SMC1B: variants seen among roughly 807,000 people sequenced by gnomAD.
SMC1B encodes the protein structural maintenance of chromosomes protein 1B.
A neutral mutation model predicts 157.9 loss-of-function variants in SMC1B; 60 were observed. The ratio of observed to expected loss-of-function variants is 0.38; its 90% CI spans 0.31 to 0.47. SMC1B has a LOEUF of 0.47. SMC1B is among the 20% of genes least tolerant of loss of function. The probability of loss-of-function intolerance (pLI) is 0.99; values close to 1 mark genes in which losing one functional copy is unlikely to be tolerated. For missense variants in SMC1B, 1,165 were observed against 1,426.2 expected (o/e 0.82, Z 2.95); for synonymous variants, 445 against 483.0 (o/e 0.92, Z 1.03).
chr22:45,348,351 A>G (rs1331761804), intron 23 of SMC1B, among the ~76,000 whole-genome samples: 1 of 151,394 alleles, frequency 6.6e-6, no homozygotes, highest in Non-Finnish European at 1.5e-5. Context: ...CAAGAGTTTG[A>G]GACCAGCCTT....
rs1012493 is a variant in SMC1B, at chr22:45,359,786, C to T, written c.2862+19G>A. 0.48 allele frequency: 772,767 copies of T among 1,604,034 alleles called. 194,736 individuals carry two copies. Among genetic ancestry groups the T allele is most frequent in the Non-Finnish European group, 0.52 (614,546 of 1,172,820 alleles). Reference sequence around the variant, plus strand: ...GTTCCACACAACGGCACATATTTTACAGTCATTTGCTAGAATACCTCCACT... The same window carrying T: ...GTTCCACACAACGGCACATATTTTATAGTCATTTGCTAGAATACCTCCACT... On this transcript the variant is annotated intron_variant, in intron 18 of 24. Coordinates refer to ENST00000357450, the MANE Select transcript of SMC1B (RefSeq NM_148674.5).
intron 10 of SMC1B, among the ~76,000 whole-genome samples, chr22:45,389,017 A>AG: frequency 6.6e-6 from 1 of 150,532 alleles, no homozygotes; most frequent in Non-Finnish European, 1.5e-5. Flanking sequence ...AAAAGAAAAA[A>AG]GAAAAAAAAA....
chr22:45,386,471 C>A (rs1362858622), intron 11 of SMC1B, among the ~76,000 whole-genome samples: 1 of 152,014 alleles, frequency 6.6e-6, no homozygotes, highest in Non-Finnish European at 1.5e-5. Flanking sequence ...AGTATCTCCA[C>A]TAAAGTATGG....
At position 45,406,803 on chromosome 22, in the gene SMC1B, A is replaced by G; in HGVS notation, c.361T>C (p.Leu121=). 6.3e-7 allele frequency: 1 copy of G among 1,598,204 alleles called. No homozygotes were observed. The change falls in exon 3 of 25, where the codon TTG becomes CTG. Residue 121 remains leucine, a synonymous_variant. Transcript: ENST00000357450. The part of the protein sequence containing the change: ...LVSRSVYIAE[L]EKIGIIVKAQ... ...TTGACTATTATGCCTATCTTTTCCA[A>G]CTCTGCAATGTAAACAGAACGACTC...
At chr22:45,360,033 A>G (rs1049101486) in intron 17 of SMC1B, 75 bp from the exon 18 acceptor site, 3 of 1,116,688 alleles carry the variant, frequency 2.7e-6, no homozygotes, top group Non-Finnish European at 3.9e-6. Flanking sequence ...AATGTATGCT[A>G]TAAACTTTTA....
At chr22:45,388,253 A>G (rs972360314) in intron 10 of SMC1B, among the ~76,000 whole-genome samples, 6 of 152,064 alleles carry the variant, frequency 3.9e-5, no homozygotes, top group East Asian at 3.9e-4. Flanking sequence ...GTGTGTGTGT[A>G]TGTGTGTGTA....
intron 15 of SMC1B, among the ~76,000 whole-genome samples, chr22:45,365,927 G>A (rs1469370804): frequency 1.3e-5 from 2 of 152,254 alleles, no homozygotes; most frequent in East Asian, 3.9e-4. Flanking sequence ...TTTTTAGATG[G>A]GATGACAATA....
intron 15 of SMC1B, among the ~76,000 whole-genome samples, chr22:45,363,304 A>G (rs1457925431): frequency 6.6e-6 from 1 of 152,252 alleles, no homozygotes; most frequent in Non-Finnish European, 1.5e-5. Context: ...TAGAAGTGAA[A>G]TGACTTTTAA....
At chr22:45,345,629 G>A in intron 23 of SMC1B, 60 bp from the exon 24 acceptor site, 1 of 1,033,490 alleles carries the variant, frequency 9.7e-7, no homozygotes, top group Non-Finnish European at 1.5e-6. Context: ...GGGCTCTGGA[G>A]ACAGTAATTC....
At chr22:45,377,119 T>A (rs189942268) in intron 12 of SMC1B, among the ~76,000 whole-genome samples, 43 of 152,338 alleles carry the variant, frequency 2.8e-4, no homozygotes, top group Admixed American at 4.6e-4. Context: ...CTAAAAAATA[T>A]CCATTTCTTC....
intron 17 of SMC1B, among the ~76,000 whole-genome samples, chr22:45,360,652 AT>A (rs199884166): frequency 8.2e-4 from 125 of 152,164 alleles, no homozygotes; most frequent in African/African-American, 2.9e-3. Context: ...AAAAAAAAAA[AT>A]GGAAGAATGT....
chr22:45,361,806 C>T (rs5764703), intron 17 of SMC1B, 33 bp downstream of exon 17: 13 of 1,599,950 alleles, frequency 8.1e-6, no homozygotes, highest in Non-Finnish European at 1.0e-5. Flanking sequence ...AAAACTCTGA[C>T]TAGGTCTTTC....
chr22:45,369,002 T>C (rs2086802925), intron 15 of SMC1B, among the ~76,000 whole-genome samples: 1 of 152,240 alleles, frequency 6.6e-6, no homozygotes, highest in African/African-American at 2.4e-5. Context: ...GATTTTTCTA[T>C]CTTGAGATAA....
chr22:45,369,617 A>G (rs1377782683), intron 15 of SMC1B, among the ~76,000 whole-genome samples: 1 of 140,370 alleles, frequency 7.1e-6, no homozygotes, highest in East Asian at 2.1e-4. Flanking sequence ...ATCTCCGCTC[A>G]CTGCAAGCTC....
At chr22:45,372,088 A>G in intron 13 of SMC1B, 67 bp downstream of exon 13, 2 of 1,356,618 alleles carry the variant, frequency 1.5e-6, no homozygotes, top group Non-Finnish European at 2.0e-6. Context: ...GAGCTATATA[A>G]ATGTAATTCC....
Position 45,358,756 on chromosome 22 carries a change from T to C in SMC1B, c.2902A>G (p.Ile968Val). ...TCAAAGGCTTCTTCTTTTTCATAGA[T>C]ATCAATTGTTGCCTGGGTACTTTCT... ...EAESTQATID[I>V]YEKEEAFEID... Residue 968 changes from isoleucine (I) to valine (V), a missense_variant, in exon 19 of 25, where the codon ATC becomes GTC. By Grantham distance (29) the Ile-to-Val change is conservative. Coordinates refer to ENST00000357450, the MANE Select transcript of SMC1B (RefSeq NM_148674.5). 6.2e-7 allele frequency: 1 copy of C among 1,613,272 alleles called. No homozygotes were observed.
Position 45,399,351 on chromosome 22 carries a change from G to A in SMC1B, c.857C>T (p.Ser286Leu), listed in dbSNP as rs1378248944. Residue 286 changes from serine (S) to leucine (L), a missense_variant and splice_region_variant, in exon 6 of 25, where the codon TCG becomes TTG. Coordinates refer to ENST00000357450, the MANE Select transcript of SMC1B (RefSeq NM_148674.5). ...QLQQTEKELKSVETLLNQKRP... is the reference protein window; with the variant it reads ...QLQQTEKELKLVETLLNQKRP... Reference sequence around the variant, plus strand: ...CTTCTGATTTAAAAGGGTTTCAACCGATCTGAAAAGGGAAAAATGTTTGCT... The same window carrying A: ...CTTCTGATTTAAAAGGGTTTCAACCAATCTGAAAAGGGAAAAATGTTTGCT... 12 of 1,585,814 alleles carry A rather than the reference G, an allele frequency of 7.6e-6. No homozygotes were observed. Among genetic ancestry groups the A allele is most frequent in the African/African-American group, 5.5e-5 (4 of 73,128 alleles).
chr22:45,383,992 T>A (rs1225431903), intron 11 of SMC1B, among the ~76,000 whole-genome samples: 1 of 152,220 alleles, frequency 6.6e-6, no homozygotes, highest in Non-Finnish European at 1.5e-5. Flanking sequence ...TAACTGCCCT[T>A]CACAGAACTG....
intron 9 of SMC1B, among the ~76,000 whole-genome samples, chr22:45,390,729 A>G (rs2087048785): frequency 1.3e-5 from 2 of 151,498 alleles, no homozygotes; most frequent in Non-Finnish European, 2.9e-5. Flanking sequence ...AAGTCTAGGA[A>G]GGATTTCCAT....
Sources: allele counts gnomAD v4.1 joint callset (sites outside exome capture counted in the v4.1 genomes callset), GRCh38; gene constraint gnomAD v4.1.1; transcripts MANE v1.5; gene names NCBI Gene and HGNC (gene_info 2026-07-23, HGNC 2026-07-21).